The following TBC1D5 variants were observed in gnomAD, a reference collection of about 807,000 sequenced individuals.
TBC1D5 encodes the protein TBC1 domain family, member 5.
A neutral mutation model predicts 100.3 loss-of-function variants in TBC1D5; 75 were observed. That is an observed-to-expected ratio of 0.75 (90% CI 0.62 to 0.91). The LOEUF is 0.91. Ranked by LOEUF, TBC1D5 falls within the 40% of genes least tolerant of loss-of-function variation. The pLI is 0.00. For synonymous variants in TBC1D5, 323 were observed against 325.6 expected, an observed-to-expected ratio of 0.99 and a Z score of 0.09; for missense variants, 910 against 942.4, an observed-to-expected ratio of 0.97 and a Z score of 0.45.
intron 1 of TBC1D5, among the ~76,000 whole-genome samples, chr3:17,682,611 TCAGGTACCACCA>T (rs893675254): frequency 6.6e-6 from 1 of 150,608 alleles, no homozygotes; most frequent in African/African-American, 2.5e-5. Flanking sequence ...CAATGGAAGT[TCAGGTACCACCA>T]CAGGTCCCCA....
chr3:17,678,689 A>C (rs892633012), intron 1 of TBC1D5, among the ~76,000 whole-genome samples: 22 of 145,120 alleles, frequency 1.5e-4, no homozygotes, highest in Non-Finnish European at 3.0e-4. Flanking sequence ...AAAAAAAAAC[A>C]GGAAAAGAAA....
intron 13 of TBC1D5, chr3:17,338,684 A>G (rs2088346442): frequency 6.6e-6 from 1 of 152,248 alleles, no homozygotes; most frequent in Admixed American, 6.5e-5. Flanking sequence ...TTCATAATTG[A>G]AAGACATGTT....
rs543301750 is a variant in TBC1D5, at chr3:17,570,200, T to C, written c.-36+53649A>G. ...TTAACTGGCCCATACATCCAGAAAT[T>C]TTAAAAATAGTAAGCAAGAACCAAG... On this transcript the variant is annotated intron_variant, in intron 2 of 21. Transcript: ENST00000253692. 4.6e-5 allele frequency among the ~76,000 whole-genome samples: 7 copies of C among 152,088 alleles called. No individual in the cohort carries two copies. In the East Asian group the frequency reaches 1.2e-3, roughly 25 times the overall value.
Position 17,305,279 on chromosome 3 carries a change from C to T in TBC1D5, c.1138+2713G>A, listed in dbSNP as rs1025501739. 2.0e-5 allele frequency among the ~76,000 whole-genome samples: 3 copies of T among 152,150 alleles called. No homozygotes were observed. In the East Asian group the frequency reaches 5.8e-4, roughly 29 times the overall value. ...TCCTTGGCTTCTTCTCCTCTGGTGC[C>T]TCTGAAATGCTTATGTTAAACCCAG... On this transcript the variant is annotated intron_variant, in intron 14 of 21. Coordinates refer to ENST00000253692, the Ensembl canonical transcript of TBC1D5.
At chr3:17,384,101 G>T in intron 8 of TBC1D5, 86 bp from the exon 9 acceptor site, 1 of 1,175,080 alleles carries the variant, frequency 8.5e-7, no homozygotes, top group Non-Finnish European at 1.2e-6. Context: ...CGTGCCAAGG[G>T]CTGCTTCAGG....
chr3:17,389,989 C>T (rs1210701344), intron 8 of TBC1D5, among the ~76,000 whole-genome samples: 1 of 152,018 alleles, frequency 6.6e-6, no homozygotes, highest in African/African-American at 2.4e-5. Context: ...TCCTGAAGTA[C>T]AATTCATATA....
intron 2 of TBC1D5, among the ~76,000 whole-genome samples, chr3:17,538,188 TAGTC>T (rs1453763111): frequency 1.3e-5 from 2 of 151,876 alleles, no homozygotes; most frequent in African/African-American, 2.4e-5. Context: ...CATGAGGTGA[TAGTC>T]AGGTGGTTGT....
At chr3:17,284,119 C>CAA (rs1553651955) in intron 15 of TBC1D5, among the ~76,000 whole-genome samples, 1 of 150,412 alleles carries the variant, frequency 6.6e-6, no homozygotes, top group Non-Finnish European at 1.5e-5. Flanking sequence ...CACACACACA[C>CAA]ACACGTATTT....
intron 3 of TBC1D5, among the ~76,000 whole-genome samples, chr3:17,444,372 T>G (rs2094734434): frequency 6.6e-6 from 1 of 152,044 alleles, no homozygotes; most frequent in African/African-American, 2.4e-5. Context: ...CATAAACAAT[T>G]TTATATTATA....
At chr3:17,345,459 T>C in intron 13 of TBC1D5, among the ~76,000 whole-genome samples, 1 of 152,102 alleles carries the variant, frequency 6.6e-6, no homozygotes, top group Non-Finnish European at 1.5e-5. Context: ...GGAACACTTT[T>C]ACACTGTTGG....
chr3:17,233,675 G>A lies in TBC1D5; in HGVS notation c.1588+4488C>T. The A allele has an allele frequency of 4.7e-6, 7 of 1,479,136 alleles. No homozygotes were observed. Among genetic ancestry groups the A allele is most frequent in the South Asian group, 2.5e-5 (2 of 79,224 alleles). 91.6% of individuals were successfully genotyped at this position (1,479,136 alleles called of 1,614,324 possible). ...GAAAAAGAAACACTATGTTGTTATGGTAACTGTACCTTGGAGGTCAGTTAG... is the reference window on the plus strand; with the variant it reads ...GAAAAAGAAACACTATGTTGTTATGATAACTGTACCTTGGAGGTCAGTTAG... On this transcript the variant is annotated intron_variant, in intron 17 of 21. Transcript: ENST00000253692.
At chr3:17,413,213 T>C (rs2093983072) in intron 4 of TBC1D5, among the ~76,000 whole-genome samples, 1 of 152,188 alleles carries the variant, frequency 6.6e-6, no homozygotes, top group Non-Finnish European at 1.5e-5. Flanking sequence ...GTAGGTTTCA[T>C]TTCTCAGGCC....
At chr3:17,466,856 T>TA (rs1250927019) in intron 3 of TBC1D5, among the ~76,000 whole-genome samples, 2 of 151,990 alleles carry the variant, frequency 1.3e-5, no homozygotes, top group African/African-American at 2.4e-5. Flanking sequence ...ATTAAGTTAC[T>TA]AAAAAAATCA....
At chr3:17,433,916 A>T (rs1288203810) in intron 3 of TBC1D5, among the ~76,000 whole-genome samples, 2 of 152,180 alleles carry the variant, frequency 1.3e-5, no homozygotes, top group African/African-American at 2.4e-5. Flanking sequence ...GCCCCATGCA[A>T]GTCCAAAATC....
intron 16 of TBC1D5, among the ~76,000 whole-genome samples, chr3:17,255,893 A>G (rs762403505): frequency 3.0e-4 from 45 of 152,188 alleles, no homozygotes; most frequent in African/African-American, 6.5e-4. Flanking sequence ...AAAATTAGCC[A>G]GGCGTGGCAG....
intron 1 of TBC1D5, among the ~76,000 whole-genome samples, chr3:17,656,555 GA>G (rs758405845): frequency 2.6e-5 from 4 of 152,012 alleles, no homozygotes; most frequent in Non-Finnish European, 5.9e-5. Flanking sequence ...AGATTCCCAT[GA>G]AAGCCCCTAC....
At chr3:17,422,996 A>T (rs888512610) in intron 4 of TBC1D5, among the ~76,000 whole-genome samples, 1 of 152,188 alleles carries the variant, frequency 6.6e-6, no homozygotes, top group Non-Finnish European at 1.5e-5. Flanking sequence ...CAACTTTTAG[A>T]TTTAAAAGGC....
exon 22 of TBC1D5, chr3:17,160,283 A>C (rs2065918726): frequency 6.6e-6 from 1 of 152,246 alleles, no homozygotes; most frequent in Non-Finnish European, 1.5e-5. Context: ...CATCAAAAAA[A>C]TCTAACACTA....
At chr3:17,326,255 G>A (rs1433461039) in intron 13 of TBC1D5, among the ~76,000 whole-genome samples, 3 of 152,084 alleles carry the variant, frequency 2.0e-5, no homozygotes, top group African/African-American at 4.8e-5. Context: ...TAGGAACATT[G>A]AAGAGGGAAG....
Sources: allele counts gnomAD v4.1 joint callset (sites outside exome capture counted in the v4.1 genomes callset), GRCh38; gene constraint gnomAD v4.1.1; transcripts MANE v1.5; gene names NCBI Gene and HGNC (gene_info 2026-07-23, HGNC 2026-07-21).